CNTNAP2: variants seen among roughly 807,000 people sequenced by gnomAD.
The protein encoded by CNTNAP2 is contactin-associated protein-like 2.
A neutral mutation model predicts 155.2 loss-of-function variants in CNTNAP2; 98 were observed. That is an observed-to-expected ratio of 0.63 (90% CI 0.54 to 0.75). The LOEUF (loss-of-function observed/expected upper bound fraction) is 0.75, where lower values mean the gene tolerates loss of function less well. Among genes scored for constraint, CNTNAP2 ranks in the 30% least tolerant of loss-of-function variants. The pLI, the probability that CNTNAP2 is intolerant of heterozygous loss-of-function variation, is 0.00. For synonymous variants in CNTNAP2, 651 were observed against 631.2 expected (o/e 1.03, Z -0.47); for missense variants, 1,727 against 1,688.1 (o/e 1.02, Z -0.40).
In CNTNAP2 at chr7:147,598,928, T is replaced by C. The variant is rs1166882288; in HGVS notation, c.1897+36671T>C. Among the ~76,000 whole-genome samples, 5 of 152,310 alleles carry C rather than the reference T, an allele frequency of 3.3e-5. No homozygotes were observed. In the East Asian group the frequency reaches 5.8e-4, roughly 18 times the overall value. ...GACATGTTTGCTTCCCCTTCTGTGA[T>C]GATTATAAGTTTCCTGAGGCCTCCC... On this transcript the variant is annotated intron_variant, in intron 12 of 23. Transcript: ENST00000361727.
At chr7:147,288,657 T>A (rs978691238) in intron 8 of CNTNAP2, among the ~76,000 whole-genome samples, 1 of 152,342 alleles carries the variant, frequency 6.6e-6, no homozygotes, top group Middle Eastern at 3.4e-3. Flanking sequence ...CAAAGCCAGA[T>A]GAAATACAAC....
At chr7:147,404,167 C>T (rs117753739) in intron 10 of CNTNAP2, among the ~76,000 whole-genome samples, 69 of 152,214 alleles carry the variant, frequency 4.5e-4, no homozygotes, top group Non-Finnish European at 8.7e-4. Flanking sequence ...AGAAAGTCTC[C>T]CAGATAAATT....
At chr7:147,816,914 C>T (rs1027486848) in intron 13 of CNTNAP2, among the ~76,000 whole-genome samples, 2 of 152,018 alleles carry the variant, frequency 1.3e-5, no homozygotes, top group Non-Finnish European at 2.9e-5. Context: ...AATTTGGAAC[C>T]CTAGAACTTA....
intron 13 of CNTNAP2, among the ~76,000 whole-genome samples, chr7:147,886,981 A>G (rs553097470): frequency 6.6e-6 from 1 of 152,184 alleles, no homozygotes; most frequent in Non-Finnish European, 1.5e-5. Flanking sequence ...TGTCACATCC[A>G]TGATACTCCA....
chr7:147,955,013 G>A (rs531517112), intron 14 of CNTNAP2, among the ~76,000 whole-genome samples: 7 of 152,236 alleles, frequency 4.6e-5, no homozygotes, highest in African/African-American at 1.7e-4. Context: ...AATCCAGATA[G>A]TGCAGCAAAG....
intron 13 of CNTNAP2, among the ~76,000 whole-genome samples, chr7:147,828,070 C>A (rs1377717708): frequency 6.6e-6 from 1 of 151,868 alleles, no homozygotes; most frequent in African/African-American, 2.4e-5. Flanking sequence ...AGATCATCAA[C>A]GAATGAAGAA....
chr7:148,292,103 G>GT (rs1479313191), intron 21 of CNTNAP2, among the ~76,000 whole-genome samples: 2 of 152,202 alleles, frequency 1.3e-5, no homozygotes, highest in South Asian at 2.1e-4. Context: ...AAAAGCAAAG[G>GT]TTTTTTTGTT....
At chr7:147,591,728 G>T (rs765310242) in intron 12 of CNTNAP2, among the ~76,000 whole-genome samples, 4 of 151,904 alleles carry the variant, frequency 2.6e-5, no homozygotes, top group Non-Finnish European at 4.4e-5. Flanking sequence ...TTGAATCTTT[G>T]ATTTGTTCCC....
At position 147,163,523 on chromosome 7, in the gene CNTNAP2, G is replaced by A. The variant is rs562161364; in HGVS notation, c.1348+31014G>A. Among the ~76,000 whole-genome samples, 6 of 152,072 alleles carry A rather than the reference G, an allele frequency of 3.9e-5. No individual in the cohort carries two copies. In the East Asian group the frequency reaches 5.8e-4, roughly 15 times the overall value. ...GTTCCTTAATCTCCTATCTCCTATG[G>A]TTTGGGAACAACTACAACCTTAGGA... On this transcript the variant is annotated intron_variant, in intron 8 of 23. Transcript: ENST00000361727.
At chr7:146,612,931 CTTTTT>C (rs10593929) in intron 1 of CNTNAP2, among the ~76,000 whole-genome samples, 2 of 139,358 alleles carry the variant, frequency 1.4e-5, no homozygotes, top group Non-Finnish European at 3.1e-5. Flanking sequence ...TAACATCTGT[CTTTTT>C]TTTTTTTTTT....
intron 3 of CNTNAP2, among the ~76,000 whole-genome samples, chr7:147,028,610 T>C (rs915232302): frequency 4.6e-5 from 7 of 152,146 alleles, no homozygotes; most frequent in Admixed American, 3.3e-4. Context: ...AGAAGGCCAG[T>C]TGGGTAGTAG....
At chr7:146,645,944 T>G (rs1236415710) in intron 1 of CNTNAP2, among the ~76,000 whole-genome samples, 1 of 152,210 alleles carries the variant, frequency 6.6e-6, no homozygotes, top group South Asian at 2.1e-4. Flanking sequence ...AACTATATTT[T>G]ATCTAAAGAT....
At chr7:147,990,309 A>G (rs1332267256) in intron 15 of CNTNAP2, among the ~76,000 whole-genome samples, 1 of 152,230 alleles carries the variant, frequency 6.6e-6, no homozygotes, top group Non-Finnish European at 1.5e-5. Context: ...TCAACAGTCA[A>G]AGACAGGTTT....
chr7:147,857,013 C>T (rs80019093), intron 13 of CNTNAP2, among the ~76,000 whole-genome samples: 18,206 of 152,170 alleles, frequency 0.12, 1,268 homozygotes, highest in South Asian at 0.24. Context: ...GAGACAGAGG[C>T]TGGGACAAAG....
chr7:148,396,084 C>T (rs907736563), intron 22 of CNTNAP2, among the ~76,000 whole-genome samples: 1 of 152,196 alleles, frequency 6.6e-6, no homozygotes, highest in African/African-American at 2.4e-5. Context: ...ATCATTGCAG[C>T]TGTCAGCCTG....
chr7:147,301,221 A>T (rs759610297), intron 9 of CNTNAP2, among the ~76,000 whole-genome samples: 3 of 152,202 alleles, frequency 2.0e-5, no homozygotes, highest in Non-Finnish European at 2.9e-5. Flanking sequence ...AGTAAGAAGA[A>T]GATTATCTTA....
chr7:147,222,348 G>C (rs1025062432), intron 8 of CNTNAP2, among the ~76,000 whole-genome samples: 1 of 151,308 alleles, frequency 6.6e-6, no homozygotes, highest in African/African-American at 2.4e-5. Flanking sequence ...AATTTTTCCT[G>C]GACCATATTC....
At chr7:147,482,832 G>T (rs998324155) in intron 10 of CNTNAP2, among the ~76,000 whole-genome samples, 2 of 152,060 alleles carry the variant, frequency 1.3e-5, no homozygotes, top group Non-Finnish European at 2.9e-5. Flanking sequence ...AATCACTTGA[G>T]GTCCGGAGTT....
intron 13 of CNTNAP2, among the ~76,000 whole-genome samples, chr7:147,849,585 A>G (rs1487420911): frequency 6.6e-6 from 1 of 152,238 alleles, no homozygotes; most frequent in African/African-American, 2.4e-5. Context: ...TTTGATAAGT[A>G]TCCACAGGAC....
Sources: allele counts gnomAD v4.1 joint callset (sites outside exome capture counted in the v4.1 genomes callset), GRCh38; gene constraint gnomAD v4.1.1; transcripts MANE v1.5; gene names NCBI Gene and HGNC (gene_info 2026-07-23, HGNC 2026-07-21).